GASK1B: variants seen among roughly 807,000 people sequenced by gnomAD.
GASK1B encodes golgi associated kinase 1B.
Under a neutral mutation model 42.8 loss-of-function variants are expected in GASK1B, and 34 were observed. The observed-to-expected ratio is 0.79, with a 90% confidence interval of 0.60 to 1.06. GASK1B has a LOEUF of 1.06. Among genes scored for constraint, GASK1B ranks in the 50% least tolerant of loss-of-function variants. The probability of loss-of-function intolerance (pLI) is 0.00; values close to 1 mark genes in which losing one functional copy is unlikely to be tolerated. For synonymous variants in GASK1B, 262 were observed against 259.1 expected, an observed-to-expected ratio of 1.01 and a Z score of -0.11; for missense variants, 686 against 661.0, an observed-to-expected ratio of 1.04 and a Z score of -0.42.
At chr4:158,134,972 C>T (rs1394983958) in intron 3 of GASK1B, among the ~76,000 whole-genome samples, 4 of 152,202 alleles carry the variant, frequency 2.6e-5, no homozygotes, top group African/African-American at 9.7e-5. Context: ...TTCACATCTT[C>T]TTTTTCCTCA....
intron 2 of GASK1B, among the ~76,000 whole-genome samples, chr4:158,158,137 T>A (rs919159145): frequency 6.6e-6 from 1 of 152,140 alleles, no homozygotes; most frequent in Non-Finnish European, 1.5e-5. Context: ...TTATGTAACC[T>A]TTTTAAACCT....
chr4:158,129,668 AT>A (rs1730600946), intron 4 of GASK1B, among the ~76,000 whole-genome samples: 1 of 152,192 alleles, frequency 6.6e-6, no homozygotes, highest in Admixed American at 6.5e-5. Flanking sequence ...GAAAAAAAAA[AT>A]ACTGGACTTG....
intron 4 of GASK1B, 100 bp from the exon 5 acceptor site, chr4:158,127,714 A>T (rs1381628382): frequency 9.6e-7 from 1 of 1,043,530 alleles, no homozygotes; most frequent in Non-Finnish European, 1.4e-6. Context: ...AAATCACACT[A>T]ACAAATGGTA....
intron 3 of GASK1B, among the ~76,000 whole-genome samples, chr4:158,152,507 C>T (rs142537941): frequency 2.0e-5 from 3 of 151,802 alleles, no homozygotes; most frequent in African/African-American, 7.3e-5. Flanking sequence ...AAGTCAGTAT[C>T]ACCCCAATAG....
At chr4:158,153,016 A>G (rs1162746417) in intron 3 of GASK1B, among the ~76,000 whole-genome samples, 1 of 152,238 alleles carries the variant, frequency 6.6e-6, no homozygotes. Context: ...TAGAAAATAG[A>G]AAGAAATAAA....
intron 3 of GASK1B, among the ~76,000 whole-genome samples, chr4:158,150,296 C>T (rs1731509492): frequency 6.6e-6 from 1 of 152,072 alleles, no homozygotes. Flanking sequence ...AGATTTGTTT[C>T]CTGACAAAGA....
In GASK1B at chr4:158,155,752, A is replaced by C. The variant is rs1357756827; in HGVS notation, c.984T>G (p.Val328=). The part of the protein sequence containing the change: ...SSASNDTHSS[V]KLTWGTYQQL... ...GCTGATAAGTTCCCCAGGTGAGCTTAACAGAAGAATGGGTGTCATTACTTG... is the reference window on the plus strand; with the variant it reads ...GCTGATAAGTTCCCCAGGTGAGCTTCACAGAAGAATGGGTGTCATTACTTG... The change falls in exon 3 of 5, where the codon GTT becomes GTG. Residue 328 remains valine, a synonymous_variant. Transcript: ENST00000585682. 33 of 1,613,804 alleles carry C rather than the reference A, an allele frequency of 2.0e-5. No homozygotes were observed. The highest frequency in any genetic ancestry group is 2.7e-5 in the Non-Finnish European group (32 of 1,179,830).
At chr4:158,137,301 T>C (rs536801077) in intron 3 of GASK1B, among the ~76,000 whole-genome samples, 76 of 147,558 alleles carry the variant, frequency 5.2e-4, no homozygotes, top group African/African-American at 2.0e-3. Flanking sequence ...ATTAGCAGTT[T>C]TCTGGAAGAT....
At chr4:158,169,337 T>G (rs1732359714) in intron 2 of GASK1B, 1 of 152,228 alleles carries the variant, frequency 6.6e-6, no homozygotes, top group Non-Finnish European at 1.5e-5. Context: ...TCTGGAGCAC[T>G]TAGACAAGAA....
intron 3 of GASK1B, among the ~76,000 whole-genome samples, chr4:158,134,698 T>G (rs1222587869): frequency 6.6e-6 from 1 of 152,194 alleles, no homozygotes. Flanking sequence ...GTGGGATATT[T>G]TTAGATATAT....
At chr4:158,149,689 C>T (rs1731472054) in intron 3 of GASK1B, among the ~76,000 whole-genome samples, 1 of 152,176 alleles carries the variant, frequency 6.6e-6, no homozygotes, top group Non-Finnish European at 1.5e-5. Flanking sequence ...TAGGTACTTT[C>T]ATTCATTCTC....
intron 3 of GASK1B, among the ~76,000 whole-genome samples, chr4:158,142,472 T>G (rs116604263): frequency 7.8e-4 from 119 of 152,310 alleles, no homozygotes; most frequent in Non-Finnish European, 1.3e-3. Context: ...GTCATTGGAT[T>G]TATTAAAAGC....
intron 1 of GASK1B, chr4:158,172,580 A>G (rs1031966332): frequency 6.6e-6 from 1 of 152,252 alleles, no homozygotes; most frequent in African/African-American, 2.4e-5. Flanking sequence ...AGTTAACAAA[A>G]TAAACTTTAA....
chr4:158,166,847 C>T (rs1732247779), intron 2 of GASK1B, among the ~76,000 whole-genome samples: 2 of 151,984 alleles, frequency 1.3e-5, no homozygotes, highest in East Asian at 1.9e-4. Flanking sequence ...TAGAGAAAGA[C>T]GATGTACCTT....
At chr4:158,162,095 C>T (rs892858726) in intron 2 of GASK1B, among the ~76,000 whole-genome samples, 1 of 152,138 alleles carries the variant, frequency 6.6e-6, no homozygotes, top group African/African-American at 2.4e-5. Context: ...TTTCTGCACC[C>T]ATCCCATCTC....
At chr4:158,155,901 CTT>C (rs1731742535) in intron 2 of GASK1B, 76 bp from the exon 3 acceptor site, 1 of 1,176,268 alleles carries the variant, frequency 8.5e-7, no homozygotes, top group Admixed American at 1.9e-5. Context: ...GTCGTTCACT[CTT>C]TCACAGTCTC....
chr4:158,154,086 G>A (rs562209403), intron 3 of GASK1B, among the ~76,000 whole-genome samples: 3 of 151,138 alleles, frequency 2.0e-5, no homozygotes, highest in East Asian at 2.0e-4. Flanking sequence ...CACCCATAGA[G>A]TGGGAGAAAA....
chr4:158,141,078 A>T (rs11100151), intron 3 of GASK1B, among the ~76,000 whole-genome samples: 133,888 of 152,120 alleles, frequency 0.88, 60,161 homozygotes, highest in East Asian at 0.98. Context: ...TATGTTCACC[A>T]ACTTTCTAGT....
intron 2 of GASK1B, among the ~76,000 whole-genome samples, chr4:158,158,362 C>G (rs781062775): frequency 1.3e-5 from 2 of 152,018 alleles, no homozygotes; most frequent in Non-Finnish European, 2.9e-5. Flanking sequence ...TGAGCATTTA[C>G]TGTGCACTAA....
Sources: allele counts gnomAD v4.1 joint callset (sites outside exome capture counted in the v4.1 genomes callset), GRCh38; gene constraint gnomAD v4.1.1; transcripts MANE v1.5; gene names NCBI Gene and HGNC (gene_info 2026-07-23, HGNC 2026-07-21).